SPAG16: variants seen among roughly 807,000 people sequenced by gnomAD.
SPAG16 encodes sperm associated antigen 16.
In SPAG16, 86 loss-of-function variants were observed where a neutral mutation model predicts 80.4. The observed-to-expected ratio is 1.07, with a 90% CI of 0.90 to 1.28. SPAG16 has a LOEUF of 1.28. Among genes scored for constraint, SPAG16 ranks in the 50% most tolerant of loss-of-function variants. The probability of loss-of-function intolerance (pLI) is 0.00; values close to 1 mark genes in which losing one functional copy is unlikely to be tolerated. For missense variants in SPAG16, 870 were observed against 765.3 expected, an observed-to-expected ratio of 1.14 and a Z score of -1.61; for synonymous variants, 294 against 265.9, an observed-to-expected ratio of 1.11 and a Z score of -1.03.
chr2:214,114,598 C>A (rs958406951), intron 14 of SPAG16, among the ~76,000 whole-genome samples: 1 of 152,188 alleles, frequency 6.6e-6, no homozygotes, highest in Non-Finnish European at 1.5e-5. Context: ...AGCGTGGGAC[C>A]CCCTGCCCCG....
chr2:213,572,932 A>G (rs1451803465), intron 10 of SPAG16, among the ~76,000 whole-genome samples: 3 of 152,162 alleles, frequency 2.0e-5, no homozygotes, highest in Admixed American at 6.5e-5. Context: ...GTGGGATGTA[A>G]TCTCATGGTT....
At chr2:213,924,644 T>C (rs2078381972) in intron 11 of SPAG16, among the ~76,000 whole-genome samples, 1 of 152,206 alleles carries the variant, frequency 6.6e-6, no homozygotes. Flanking sequence ...TTGGTACTTT[T>C]TCATTTTGCT....
At chr2:213,584,034 C>G (rs1183128019) in intron 10 of SPAG16, among the ~76,000 whole-genome samples, 1 of 152,132 alleles carries the variant, frequency 6.6e-6, no homozygotes, top group East Asian at 1.9e-4. Context: ...GAAATGTAAA[C>G]TTTAACAAGA....
At chr2:213,415,736 C>G (rs78150037) in intron 9 of SPAG16, among the ~76,000 whole-genome samples, 1 of 152,058 alleles carries the variant, frequency 6.6e-6, no homozygotes, top group Non-Finnish European at 1.5e-5. Context: ...TGGTTTATGA[C>G]GTGAGGGAAT....
intron 14 of SPAG16, among the ~76,000 whole-genome samples, chr2:214,110,166 G>A (rs191749501): frequency 2.0e-5 from 3 of 151,964 alleles, no homozygotes; most frequent in Admixed American, 1.3e-4. Flanking sequence ...ATACTTTAAG[G>A]TCTAGGGTAC....
At chr2:214,110,785 C>T (rs1338725317) in intron 14 of SPAG16, among the ~76,000 whole-genome samples, 1 of 152,232 alleles carries the variant, frequency 6.6e-6, no homozygotes, top group African/African-American at 2.4e-5. Flanking sequence ...TCTCCACATC[C>T]TCTCCAGCAT....
chr2:213,559,921 ATTTTC>A (rs2059550498), intron 10 of SPAG16, among the ~76,000 whole-genome samples: 1 of 152,066 alleles, frequency 6.6e-6, no homozygotes, highest in Non-Finnish European at 1.5e-5. Context: ...TTATATAGGT[ATTTTC>A]TTGCATGTTT....
At chr2:213,979,218 G>T (rs543460231) in intron 12 of SPAG16, among the ~76,000 whole-genome samples, 193 of 151,816 alleles carry the variant, frequency 1.3e-3, no homozygotes, top group African/African-American at 3.8e-3. Flanking sequence ...ACAACTTCTG[G>T]CCTCCAATTA....
intron 15 of SPAG16, among the ~76,000 whole-genome samples, chr2:214,188,160 A>G (rs545529747): frequency 6.6e-6 from 1 of 152,264 alleles, no homozygotes; most frequent in South Asian, 2.1e-4. Context: ...TCACTTGACC[A>G]TGTGAGATTC....
intron 15 of SPAG16, among the ~76,000 whole-genome samples, chr2:214,247,071 AAATTGT>A (rs777644784): frequency 6.6e-6 from 1 of 152,140 alleles, no homozygotes; most frequent in Non-Finnish European, 1.5e-5. Context: ...AACCACTTGT[AAATTGT>A]AATTGAAAAT....
At chr2:213,770,018 T>C (rs2069154241) in intron 10 of SPAG16, among the ~76,000 whole-genome samples, 1 of 152,218 alleles carries the variant, frequency 6.6e-6, no homozygotes, top group South Asian at 2.1e-4. Context: ...GTTTTGTCCC[T>C]GGCTTCTTTA....
intron 5 of SPAG16, among the ~76,000 whole-genome samples, chr2:213,322,186 T>C (rs2063644446): frequency 6.6e-6 from 1 of 151,648 alleles, no homozygotes; most frequent in Non-Finnish European, 1.5e-5. Context: ...AACCTTGTTT[T>C]ATTTGGTAGT....
At chr2:214,343,458 T>A (rs1234944931) in intron 15 of SPAG16, among the ~76,000 whole-genome samples, 1 of 152,198 alleles carries the variant, frequency 6.6e-6, no homozygotes, top group African/African-American at 2.4e-5. Flanking sequence ...TCATAGGAAC[T>A]GATAGAAAAA....
At chr2:214,032,605 A>G (rs1321198037) in intron 13 of SPAG16, among the ~76,000 whole-genome samples, 2 of 152,246 alleles carry the variant, frequency 1.3e-5, no homozygotes, top group South Asian at 2.1e-4. Context: ...CTTAAGTGCT[A>G]CAATAACAAA....
chr2:214,034,220 G>A (rs1275521374), intron 13 of SPAG16, among the ~76,000 whole-genome samples: 1 of 152,212 alleles, frequency 6.6e-6, no homozygotes, highest in Non-Finnish European at 1.5e-5. Flanking sequence ...CTGTTGATCA[G>A]TGTCATTAAC....
chr2:214,143,223 C>T (rs1402537433), intron 14 of SPAG16, among the ~76,000 whole-genome samples: 3 of 138,040 alleles, frequency 2.2e-5, no homozygotes, highest in Admixed American at 7.4e-5. Context: ...CCTATTCCAT[C>T]ATAGTTTTGG....
intron 10 of SPAG16, among the ~76,000 whole-genome samples, chr2:213,564,163 T>C (rs1190561628): frequency 2.6e-5 from 4 of 152,138 alleles, no homozygotes; most frequent in South Asian, 2.1e-4. Flanking sequence ...ATTTCAATGA[T>C]TGACTGAGGA....
chr2:213,721,261 G>C (rs1421513782), intron 10 of SPAG16, among the ~76,000 whole-genome samples: 1 of 151,782 alleles, frequency 6.6e-6, no homozygotes, highest in African/African-American at 2.4e-5. Context: ...AACCCGCCCA[G>C]CTCATTTTTG....
At chr2:213,973,447 A>T (rs1439484798) in intron 12 of SPAG16, among the ~76,000 whole-genome samples, 1 of 152,054 alleles carries the variant, frequency 6.6e-6, no homozygotes, top group Non-Finnish European at 1.5e-5. Context: ...GGTAGCACCC[A>T]AACAGGTTAG....
Sources: gnomAD v4.1 joint callset for allele counts (sites outside exome capture counted in the v4.1 genomes callset) on GRCh38, gnomAD v4.1.1 for gene constraint, MANE v1.5 for transcripts, NCBI Gene and HGNC (gene_info 2026-07-23, HGNC 2026-07-21) for gene names.